SPAG16: variants seen among roughly 807,000 people sequenced by gnomAD.
The protein encoded by SPAG16 is sperm-associated antigen 16 protein.
A neutral mutation model predicts 80.4 loss-of-function variants in SPAG16; 86 were observed. That is an observed-to-expected ratio of 1.07 (90% confidence interval 0.90 to 1.28). SPAG16 has a LOEUF of 1.28. Ranked by LOEUF, SPAG16 falls within the 50% of genes most tolerant of loss-of-function variation. The pLI, the probability that SPAG16 is intolerant of heterozygous loss-of-function variation, is 0.00. For missense variants in SPAG16, 870 were observed against 765.3 expected, an observed-to-expected ratio of 1.14 and a Z score of -1.61; for synonymous variants, 294 against 265.9, an observed-to-expected ratio of 1.11 and a Z score of -1.03.
At chr2:213,612,432 C>T (rs770088066) in intron 10 of SPAG16, among the ~76,000 whole-genome samples, 10 of 152,260 alleles carry the variant, frequency 6.6e-5, no homozygotes, top group Non-Finnish European at 1.3e-4. Flanking sequence ...CAAGACACCA[C>T]GCTGAATTCC....
At chr2:213,333,667 G>A (rs1441808174) in intron 5 of SPAG16, among the ~76,000 whole-genome samples, 2 of 152,064 alleles carry the variant, frequency 1.3e-5, no homozygotes, top group Non-Finnish European at 2.9e-5. Flanking sequence ...ATAGACCAAT[G>A]GAACAGAATA....
At chr2:213,335,109 T>C (rs900671514) in intron 5 of SPAG16, among the ~76,000 whole-genome samples, 5 of 152,154 alleles carry the variant, frequency 3.3e-5, no homozygotes, top group African/African-American at 1.2e-4. Context: ...TAATTAAAAA[T>C]TATATTTTCA....
At chr2:214,089,892 A>G (rs993038779) in intron 13 of SPAG16, among the ~76,000 whole-genome samples, 28 of 152,030 alleles carry the variant, frequency 1.8e-4, no homozygotes, top group Non-Finnish European at 3.5e-4. Context: ...CTAAATATCA[A>G]CTTCTCTTTA....
intron 10 of SPAG16, among the ~76,000 whole-genome samples, chr2:213,712,735 T>C (rs1158734098): frequency 6.6e-6 from 1 of 152,102 alleles, no homozygotes; most frequent in African/African-American, 2.4e-5. Context: ...ACTTGAGTCC[T>C]CAGAAATTGG....
intron 10 of SPAG16, among the ~76,000 whole-genome samples, chr2:213,686,495 G>T (rs991045210): frequency 6.6e-6 from 1 of 151,884 alleles, no homozygotes; most frequent in Non-Finnish European, 1.5e-5. Flanking sequence ...TTAGCATGAC[G>T]TATTATTTCC....
intron 15 of SPAG16, among the ~76,000 whole-genome samples, chr2:214,171,850 G>GT (rs928631904): frequency 6.6e-6 from 1 of 151,862 alleles, no homozygotes; most frequent in East Asian, 1.9e-4. Context: ...AGTTATTAAT[G>GT]TTTTTTTCTT....
In SPAG16 at chr2:213,929,953, C is replaced by A. The variant is rs779788139; in HGVS notation, c.1215-7C>A. The A allele has an allele frequency of 6.3e-7, 1 of 1,596,248 alleles. No individual in the cohort carries two copies. Among genetic ancestry groups the A allele is most frequent in the Non-Finnish European group, 8.5e-7 (1 of 1,171,622 alleles). On this transcript the variant is annotated splice_polypyrimidine_tract_variant and splice_region_variant and intron_variant, in intron 11 of 15. Coordinates refer to ENST00000331683, the MANE Select transcript of SPAG16 (RefSeq NM_024532.5). ...AACAAGCTGTCTTTTTATGTTTTTG[C>A]AAATAGTGGCGACAAATTGGCTACT...
At chr2:213,589,196 GC>G (rs1210008628) in intron 10 of SPAG16, among the ~76,000 whole-genome samples, 1 of 152,098 alleles carries the variant, frequency 6.6e-6, no homozygotes, top group African/African-American at 2.4e-5. Context: ...GTTGTGTTGG[GC>G]TAATGTAAAT....
intron 11 of SPAG16, among the ~76,000 whole-genome samples, chr2:213,890,330 T>C (rs765293410): frequency 3.3e-5 from 5 of 152,082 alleles, no homozygotes; most frequent in Non-Finnish European, 7.4e-5. Flanking sequence ...ACATTTTCCT[T>C]TAAGTAATCT....
intron 10 of SPAG16, among the ~76,000 whole-genome samples, chr2:213,514,511 C>T (rs1010138221): frequency 2.0e-5 from 3 of 151,756 alleles, no homozygotes; most frequent in Non-Finnish European, 2.9e-5. Flanking sequence ...TACATGTGCA[C>T]ATTGTGCAGG....
At chr2:213,632,882 T>C (rs915390522) in intron 10 of SPAG16, among the ~76,000 whole-genome samples, 1 of 152,198 alleles carries the variant, frequency 6.6e-6, no homozygotes, top group Non-Finnish European at 1.5e-5. Flanking sequence ...TATTACTTTG[T>C]TCAGGCTGTT....
At chr2:213,632,802 G>T (rs1574572640) in intron 10 of SPAG16, among the ~76,000 whole-genome samples, 2 of 152,220 alleles carry the variant, frequency 1.3e-5, no homozygotes, top group East Asian at 3.9e-4. Context: ...AACCATCCTT[G>T]CATTCTAGGG....
rs183896165 is a variant in SPAG16, at chr2:213,776,948, G to A, written c.1071-85537G>A. ...AGGAAATGTTGATGGGTCTATAATA[G>A]TGGAAAAAAAGGTAAACTTAGAGTT... On this transcript the variant is annotated intron_variant, in intron 10 of 15. Transcript: ENST00000331683. Among the ~76,000 whole-genome samples, 8 of 147,944 alleles carry A rather than the reference G, an allele frequency of 5.4e-5. No individual in the cohort carries two copies. The East Asian group carries it at 1.4e-3, about 26-fold the overall frequency.
At chr2:213,507,153 A>G (rs1367579498) in intron 10 of SPAG16, among the ~76,000 whole-genome samples, 1 of 152,230 alleles carries the variant, frequency 6.6e-6, no homozygotes, top group Non-Finnish European at 1.5e-5. Flanking sequence ...ATAAGTTTGA[A>G]CTGATAATGA....
chr2:213,335,995 G>C (rs1399211662), intron 5 of SPAG16, among the ~76,000 whole-genome samples: 1 of 151,908 alleles, frequency 6.6e-6, no homozygotes, highest in Non-Finnish European at 1.5e-5. Context: ...TTCAGTTGAG[G>C]TACCAAGCTT....
chr2:214,236,256 C>G (rs747947429), intron 15 of SPAG16, among the ~76,000 whole-genome samples: 1 of 152,116 alleles, frequency 6.6e-6, no homozygotes, highest in Admixed American at 6.6e-5. Flanking sequence ...GCTATAGATA[C>G]AGTTTAAGCT....
At chr2:214,091,572 A>G (rs1226771842) in intron 13 of SPAG16, among the ~76,000 whole-genome samples, 1 of 152,142 alleles carries the variant, frequency 6.6e-6, no homozygotes, top group Non-Finnish European at 1.5e-5. Flanking sequence ...CATATAGTAA[A>G]CACTTATTCA....
chr2:213,907,816 A>C (rs1260125441), intron 11 of SPAG16, among the ~76,000 whole-genome samples: 1 of 152,214 alleles, frequency 6.6e-6, no homozygotes, highest in Non-Finnish European at 1.5e-5. Context: ...TGGGAGCTAA[A>C]AAAACGTTGA....
intron 12 of SPAG16, among the ~76,000 whole-genome samples, chr2:214,008,704 CA>C (rs2047146124): frequency 6.6e-6 from 1 of 150,588 alleles, no homozygotes; most frequent in Non-Finnish European, 1.5e-5. Flanking sequence ...AAGATCGTGC[CA>C]CTGCACTCCA....
Sources: allele counts gnomAD v4.1 joint callset (sites outside exome capture counted in the v4.1 genomes callset), GRCh38; gene constraint gnomAD v4.1.1; transcripts MANE v1.5; gene names NCBI Gene and HGNC (gene_info 2026-07-23, HGNC 2026-07-21).